The following ARHGAP26 variants were observed in gnomAD, a reference collection of about 807,000 sequenced individuals.
ARHGAP26 encodes the protein Rho GTPase activating protein 26.
A neutral mutation model predicts 104.8 loss-of-function variants in ARHGAP26; 38 were observed. The observed-to-expected ratio is 0.36, with a 90% confidence interval of 0.28 to 0.48. The LOEUF (loss-of-function observed/expected upper bound fraction) is 0.48, where lower values mean the gene tolerates loss of function less well. ARHGAP26 is among the 20% of genes least tolerant of loss of function. The pLI is 0.99. For missense variants in ARHGAP26, 704 were observed against 947.9 expected (o/e 0.74, Z 3.38); for synonymous variants, 341 against 340.0 (o/e 1.00, Z -0.03).
chr5:142,966,633 A>G (rs1449909280), intron 11 of ARHGAP26, among the ~76,000 whole-genome samples: 2 of 152,208 alleles, frequency 1.3e-5, no homozygotes, highest in Non-Finnish European at 2.9e-5. Context: ...TAATAATCTC[A>G]TTGCTGGAAA....
At chr5:142,952,790 A>G (rs866398286) in intron 11 of ARHGAP26, among the ~76,000 whole-genome samples, 6 of 151,880 alleles carry the variant, frequency 4.0e-5, no homozygotes, top group Middle Eastern at 3.2e-3. Context: ...GCTCACTGCA[A>G]CCTCCGCCTC....
rs369388087 is a variant in ARHGAP26, at chr5:142,913,291, C to G, written c.1026C>G (p.Asp342Glu). The G allele has an allele frequency of 6.2e-7, 1 of 1,613,702 alleles. No homozygotes were observed. The highest frequency in any genetic ancestry group is 8.5e-7 in the Non-Finnish European group (1 of 1,179,594). The change falls in exon 10 of 23, where the codon GAC becomes GAG. Residue 342 changes from aspartate to glutamate, a missense_variant and splice_region_variant. Around this residue, in one of 6 missense-constraint regions of ARHGAP26, gnomAD observed 287 missense variants for 438.8 expected, o/e 0.65. Transcript: ENST00000645722. ...KRFCFDVEAV[D>E]RPGVITMQAL... ...TTTGCTTTGATGTGGAAGCAGTAGACAGGTGAGTAGCTAGCATGCTTTTCT... is the reference window on the plus strand; with the variant it reads ...TTTGCTTTGATGTGGAAGCAGTAGAGAGGTGAGTAGCTAGCATGCTTTTCT...
At chr5:143,109,255 A>G (rs1794466966) in intron 17 of ARHGAP26, among the ~76,000 whole-genome samples, 1 of 152,182 alleles carries the variant, frequency 6.6e-6, no homozygotes, top group African/African-American at 2.4e-5. Flanking sequence ...CTCCAGCACA[A>G]TGACCAAGAG....
intron 22 of ARHGAP26, 74 bp from the exon 23 acceptor site, chr5:143,222,284 C>T: frequency 1.1e-6 from 1 of 908,438 alleles, no homozygotes. Context: ...CACACACACA[C>T]CCCACACACA....
chr5:142,877,137 G>C (rs1756243772), intron 3 of ARHGAP26, among the ~76,000 whole-genome samples: 1 of 152,130 alleles, frequency 6.6e-6, no homozygotes, highest in Non-Finnish European at 1.5e-5. Flanking sequence ...TTTTCAGCTT[G>C]CCTCTGCAAT....
At chr5:143,158,908 C>A (rs989600029) in intron 20 of ARHGAP26, among the ~76,000 whole-genome samples, 8 of 152,204 alleles carry the variant, frequency 5.3e-5, no homozygotes, top group Non-Finnish European at 1.0e-4. Flanking sequence ...CAAAGGTGTT[C>A]ATTCAAGGTT....
chr5:142,819,734 C>T (rs1765759247), intron 1 of ARHGAP26, among the ~76,000 whole-genome samples: 1 of 152,124 alleles, frequency 6.6e-6, no homozygotes, highest in Non-Finnish European at 1.5e-5. Flanking sequence ...GGATCAAACC[C>T]ACAATTTCAC....
At position 142,843,331 on chromosome 5, in the gene ARHGAP26, C is replaced by T. The variant is rs142342390; in HGVS notation, c.155-30069C>T. 1.1e-3 allele frequency among the ~76,000 whole-genome samples: 171 copies of T among 152,310 alleles called. 2 individuals carry two copies. Among genetic ancestry groups the T allele is most frequent in the African/African-American group, 3.9e-3 (162 of 41,566 alleles). ...AATTGAGGCCTGTGTCTTTCTGACACTGAGTGGAGTTCAGGGATGCAGGGA... is the reference window on the plus strand; with the variant it reads ...AATTGAGGCCTGTGTCTTTCTGACATTGAGTGGAGTTCAGGGATGCAGGGA... On this transcript the variant is annotated intron_variant, in intron 1 of 22. Transcript: ENST00000645722.
chr5:143,082,826 G>C (rs562190457), intron 17 of ARHGAP26, among the ~76,000 whole-genome samples: 1 of 152,134 alleles, frequency 6.6e-6, no homozygotes, highest in Non-Finnish European at 1.5e-5. Flanking sequence ...AATCACAAAA[G>C]CCTAACTGAT....
Position 143,089,113 on chromosome 5 carries a change from T to C in ARHGAP26, c.1538+31366T>C, listed in dbSNP as rs141782931. 2.9e-3 allele frequency among the ~76,000 whole-genome samples: 441 copies of C among 152,358 alleles called. 4 individuals carry two copies. Among genetic ancestry groups the C allele is most frequent in the African/African-American group, 0.01 (420 of 41,582 alleles). ...TCTTTGAAAATAAATTTAAAACTTA[T>C]ATCTAACAATCCCTCCTCTTGCATT... On this transcript the variant is annotated intron_variant, in intron 17 of 22. Coordinates refer to ENST00000645722, the MANE Select transcript of ARHGAP26 (RefSeq NM_001135608.3).
At chr5:143,176,498 G>C (rs1803496560) in intron 20 of ARHGAP26, among the ~76,000 whole-genome samples, 1 of 152,152 alleles carries the variant, frequency 6.6e-6, no homozygotes, top group African/African-American at 2.4e-5. Flanking sequence ...CCCTCCTCTG[G>C]TTCTTCTTCC....
At chr5:143,206,541 A>G (rs1185745237) in intron 20 of ARHGAP26, among the ~76,000 whole-genome samples, 5 of 152,164 alleles carry the variant, frequency 3.3e-5, no homozygotes, top group African/African-American at 2.4e-5. Context: ...GTAATGCCCA[A>G]ATTCCACGAA....
At chr5:143,104,272 A>G (rs1793680212) in intron 17 of ARHGAP26, among the ~76,000 whole-genome samples, 1 of 152,096 alleles carries the variant, frequency 6.6e-6, no homozygotes, top group Non-Finnish European at 1.5e-5. Flanking sequence ...CACTCTGGGA[A>G]GCCGAAGCAG....
At chr5:142,998,765 A>C (rs1776788430) in intron 11 of ARHGAP26, among the ~76,000 whole-genome samples, 1 of 152,136 alleles carries the variant, frequency 6.6e-6, no homozygotes, top group African/African-American at 2.4e-5. Context: ...AAAAAGGAAA[A>C]GAACATTTGT....
intron 17 of ARHGAP26, among the ~76,000 whole-genome samples, chr5:143,069,126 C>T (rs568361701): frequency 2.8e-4 from 43 of 152,274 alleles, no homozygotes; most frequent in African/African-American, 8.2e-4. Flanking sequence ...TGAGGTCTTC[C>T]TCGATTGTTT....
chr5:142,870,633 C>T (rs1196899847), intron 1 of ARHGAP26, among the ~76,000 whole-genome samples: 1 of 152,196 alleles, frequency 6.6e-6, no homozygotes, highest in Non-Finnish European at 1.5e-5. Context: ...CCCAGCTATA[C>T]CTAGAACTGA....
At chr5:142,945,601 A>G (rs1050019819) in intron 11 of ARHGAP26, among the ~76,000 whole-genome samples, 6 of 152,226 alleles carry the variant, frequency 3.9e-5, no homozygotes, top group Admixed American at 3.9e-4. Flanking sequence ...TTGGCAAGTC[A>G]AGAATTTATC....
intron 1 of ARHGAP26, among the ~76,000 whole-genome samples, chr5:142,839,533 A>C (rs1265195714): frequency 1.3e-5 from 2 of 152,088 alleles, no homozygotes; most frequent in Non-Finnish European, 2.9e-5. Flanking sequence ...TAAATATTGA[A>C]AGTTAAAGGA....
chr5:142,854,564 G>A (rs929657480), intron 1 of ARHGAP26, among the ~76,000 whole-genome samples: 1 of 152,202 alleles, frequency 6.6e-6, no homozygotes, highest in African/African-American at 2.4e-5. Context: ...ATATGACACT[G>A]TTATAATATA....
Sources: gnomAD v4.1 joint callset for allele counts (sites outside exome capture counted in the v4.1 genomes callset) on GRCh38, gnomAD v4.1.1 for gene constraint, gnomAD v4.1.1 regional missense constraint, MANE v1.5 for transcripts, NCBI Gene and HGNC (gene_info 2026-07-23, HGNC 2026-07-21) for gene names.